Variants in RAB27A observed in about 807,000 individuals in gnomAD.
RAB27A encodes RAB27A, member RAS oncogene family, also known as ras-related protein Rab-27A.
A neutral mutation model predicts 20.8 loss-of-function variants in RAB27A; 17 were observed. The ratio of observed to expected loss-of-function variants is 0.82; its 90% CI spans 0.56 to 1.23. The LOEUF is 1.23. Among genes scored for constraint, RAB27A ranks in the 50% most tolerant of loss-of-function variants. RAB27A has a pLI of 0.00. For missense variants in RAB27A, 277 were observed against 266.7 expected (o/e 1.04, Z -0.27); for synonymous variants, 85 against 92.8 (o/e 0.92, Z 0.48).
rs779511415 is a variant in RAB27A at position 55,269,013 on chromosome 15, T to A, written c.-23+1152A>T. 3.9e-5 allele frequency among the ~76,000 whole-genome samples: 6 copies of A among 152,090 alleles called. No homozygotes were observed. In the South Asian group the frequency reaches 1.0e-3, roughly 26 times the overall value. On this transcript the variant is annotated intron_variant, in intron 2 of 6. Transcript: ENST00000336787. ...ACAGGGAGGATGGCATGAAGAGACA[T>A]AGGGAGAAGACAGCCATCCACAGCT...
At chr15:55,241,109 A>C (rs557039889) in intron 2 of RAB27A, among the ~76,000 whole-genome samples, 50 of 152,318 alleles carry the variant, frequency 3.3e-4, no homozygotes, top group African/African-American at 1.2e-3. Context: ...ATATGCAGGC[A>C]ATGTTCTTTT....
intron 2 of RAB27A, among the ~76,000 whole-genome samples, chr15:55,253,704 C>A (rs1196298955): frequency 6.7e-6 from 1 of 150,356 alleles, no homozygotes; most frequent in Non-Finnish European, 1.5e-5. Context: ...AATAAGCAGG[C>A]AAGAGGGTGA....
chr15:55,301,520 TATA>T (rs2054971937), intron 2 of RAB27A, among the ~76,000 whole-genome samples: 1 of 152,078 alleles, frequency 6.6e-6, no homozygotes, highest in Non-Finnish European at 1.5e-5. Context: ...AGCTTTGAGA[TATA>T]ATTCACACAC....
At chr15:55,299,592 C>CA (rs570200207) in intron 2 of RAB27A, among the ~76,000 whole-genome samples, 9,496 of 69,980 alleles carry the variant, frequency 0.14, 501 homozygotes, top group East Asian at 0.26. Context: ...GAATCTGTCT[C>CA]AAAAAAAAAA....
intron 2 of RAB27A, among the ~76,000 whole-genome samples, chr15:55,264,766 G>C (rs1289701754): frequency 6.6e-6 from 1 of 152,134 alleles, no homozygotes; most frequent in Admixed American, 6.6e-5. Context: ...GAGAGAGCCT[G>C]GTTTAAATGA....
At chr15:55,261,932 G>A (rs1175257250) in intron 2 of RAB27A, among the ~76,000 whole-genome samples, 1 of 151,410 alleles carries the variant, frequency 6.6e-6, no homozygotes, top group Non-Finnish European at 1.5e-5. Flanking sequence ...AGCTACTCGG[G>A]AGGCTGAGGC....
chr15:55,298,968 G>A (rs1312465437), intron 2 of RAB27A, among the ~76,000 whole-genome samples: 1 of 152,054 alleles, frequency 6.6e-6, no homozygotes, highest in Non-Finnish European at 1.5e-5. Flanking sequence ...TTTTCAAGGT[G>A]CCCAGATTTC....
At chr15:55,223,552 C>T (rs1247980961) in intron 6 of RAB27A, among the ~76,000 whole-genome samples, 1 of 151,810 alleles carries the variant, frequency 6.6e-6, no homozygotes, top group African/African-American at 2.4e-5. Flanking sequence ...TTTCCTCGCT[C>T]AACATGGAGG....
At chr15:55,301,450 A>G (rs940930950) in intron 2 of RAB27A, among the ~76,000 whole-genome samples, 1 of 151,154 alleles carries the variant, frequency 6.6e-6, no homozygotes, top group Non-Finnish European at 1.5e-5. Context: ...ACTCACACAC[A>G]ATAAAGTTCA....
At chr15:55,275,934 A>AAC (rs1555399589) in intron 1 of RAB27A, among the ~76,000 whole-genome samples, 1 of 150,748 alleles carries the variant, frequency 6.6e-6, no homozygotes, top group Non-Finnish European at 1.5e-5. Context: ...AAAAAAAAAA[A>AAC]AAAAAACAAG....
chr15:55,291,004 T>C (rs540295956), upstream of RAB27A, among the ~76,000 whole-genome samples: 1 of 152,352 alleles, frequency 6.6e-6, no homozygotes, highest in African/African-American at 2.4e-5. Flanking sequence ...TTACAGCAGT[T>C]AGCTTCTCAG....
intron 2 of RAB27A, among the ~76,000 whole-genome samples, chr15:55,243,589 T>A (rs1333487803): frequency 6.6e-6 from 1 of 151,170 alleles, no homozygotes; most frequent in Non-Finnish European, 1.5e-5. Context: ...ATCACACCAC[T>A]GCACTACAGC....
intron 6 of RAB27A, among the ~76,000 whole-genome samples, chr15:55,209,679 C>T (rs1207341346): frequency 6.7e-6 from 1 of 149,566 alleles, no homozygotes; most frequent in African/African-American, 2.5e-5. Context: ...TATCTCTCTC[C>T]TAAGAAAACT....
chr15:55,230,688 C>A (rs1194983201), intron 3 of RAB27A, among the ~76,000 whole-genome samples: 2 of 151,848 alleles, frequency 1.3e-5, no homozygotes, highest in Non-Finnish European at 2.9e-5. Context: ...ACATATATAT[C>A]TTATAAATAT....
intron 2 of RAB27A, among the ~76,000 whole-genome samples, chr15:55,266,183 T>A (rs1897475244): frequency 6.6e-6 from 1 of 152,198 alleles, no homozygotes; most frequent in South Asian, 2.1e-4. Context: ...AGTGCCCCTA[T>A]AAGAAGAGGC....
chr15:55,298,747 C>T (rs1157013396), intron 2 of RAB27A, among the ~76,000 whole-genome samples: 1 of 152,170 alleles, frequency 6.6e-6, no homozygotes, highest in African/African-American at 2.4e-5. Flanking sequence ...AAAAGATGGG[C>T]ACACCCAGGG....
chr15:55,222,745 C>T (rs1275779902), intron 6 of RAB27A, among the ~76,000 whole-genome samples: 1 of 152,068 alleles, frequency 6.6e-6, no homozygotes, highest in African/African-American at 2.4e-5. Flanking sequence ...TTCTGCTAAC[C>T]ACCAAAGCCA....
At chr15:55,250,536 G>A (rs180864179) in intron 2 of RAB27A, among the ~76,000 whole-genome samples, 307 of 152,322 alleles carry the variant, frequency 2.0e-3, no homozygotes, top group Middle Eastern at 6.8e-3. Context: ...ACTACATTCA[G>A]TAAACGGCAG....
chr15:55,223,866 G>T, intron 6 of RAB27A, 23 bp downstream of exon 6: 1 of 1,611,682 alleles, frequency 6.2e-7, no homozygotes, highest in South Asian at 1.1e-5. Flanking sequence ...GTTTTCTCTA[G>T]ACTTCTCCAC....
Sources: gnomAD v4.1 joint callset for allele counts (sites outside exome capture counted in the v4.1 genomes callset) on GRCh38, gnomAD v4.1.1 for gene constraint, MANE v1.5 for transcripts, NCBI Gene and HGNC (gene_info 2026-07-23, HGNC 2026-07-21) for gene names.